Variants in CEP162 observed in about 807,000 individuals in gnomAD.
CEP162 encodes the protein centrosomal protein of 162 kDa.
CEP162 carries 141 observed loss-of-function variants against 169.2 expected under a neutral mutation model. That is an observed-to-expected ratio of 0.83 (90% CI 0.73 to 0.96). The LOEUF (loss-of-function observed/expected upper bound fraction) is 0.96. Among genes scored for constraint, CEP162 ranks in the 40% least tolerant of loss-of-function variants. CEP162 has a pLI of 0.00. For missense variants in CEP162, 1,600 were observed against 1,587.2 expected (o/e 1.01, Z -0.14); for synonymous variants, 540 against 526.4 (o/e 1.03, Z -0.35).
intron 6 of CEP162, among the ~76,000 whole-genome samples, chr6:84,206,648 A>C (rs935994714): frequency 6.6e-6 from 1 of 152,250 alleles, no homozygotes; most frequent in African/African-American, 2.4e-5. Context: ...ACCATTCAGG[A>C]CATAGGCATG....
At chr6:84,174,012 A>G in intron 16 of CEP162, 36 bp downstream of exon 16, 1 of 1,574,910 alleles carries the variant, frequency 6.3e-7, no homozygotes, top group South Asian at 1.1e-5. Context: ...TAAAAGATCA[A>G]GAGTAAATTT....
intron 25 of CEP162, among the ~76,000 whole-genome samples, chr6:84,137,429 A>G (rs1217485123): frequency 1.3e-5 from 2 of 152,200 alleles, no homozygotes; most frequent in African/African-American, 4.8e-5. Flanking sequence ...GCGACAAATT[A>G]CAGTAAGAAT....
At chr6:84,182,680 G>A (rs1200283206) in intron 13 of CEP162, among the ~76,000 whole-genome samples, 1 of 152,062 alleles carries the variant, frequency 6.6e-6, no homozygotes, top group Non-Finnish European at 1.5e-5. Flanking sequence ...AGGGTCCGGA[G>A]GCAGAGTAGC....
At chr6:84,205,072 G>T (rs1396957029) in intron 6 of CEP162, among the ~76,000 whole-genome samples, 1 of 152,128 alleles carries the variant, frequency 6.6e-6, no homozygotes, top group Non-Finnish European at 1.5e-5. Context: ...TGAAATTGAG[G>T]CAATAATTAA....
chr6:84,160,964 G>T, intron 20 of CEP162, 48 bp from the exon 21 acceptor site: 1 of 1,281,148 alleles, frequency 7.8e-7, no homozygotes, highest in South Asian at 1.2e-5. Flanking sequence ...AAACATAACA[G>T]AAAAGCTCCA....
intron 13 of CEP162, among the ~76,000 whole-genome samples, chr6:84,179,558 G>T (rs1329282525): frequency 6.6e-6 from 1 of 152,024 alleles, no homozygotes; most frequent in Non-Finnish European, 1.5e-5. Flanking sequence ...GTAGATTCTG[G>T]ATATTAGCCC....
chr6:84,128,064 G>C (rs954358256), intron 25 of CEP162, among the ~76,000 whole-genome samples: 1 of 152,200 alleles, frequency 6.6e-6, no homozygotes, highest in Non-Finnish European at 1.5e-5. Context: ...TAAGAGCAAA[G>C]ATTTTTGTCT....
intron 13 of CEP162, 118 bp downstream of exon 13, chr6:84,185,069 G>T (rs2099536515): frequency 1.2e-6 from 1 of 863,534 alleles, no homozygotes; most frequent in Non-Finnish European, 1.8e-6. Flanking sequence ...CACCACCCTG[G>T]GTCAAGCCCT....
chr6:84,223,224 G>C (rs1278061242), intron 2 of CEP162, among the ~76,000 whole-genome samples: 1 of 152,152 alleles, frequency 6.6e-6, no homozygotes, highest in African/African-American at 2.4e-5. Flanking sequence ...AAACAGGCCG[G>C]GCGTGGTGGC....
chr6:84,199,464 G>A lies in CEP162; in HGVS notation c.835+1325C>T, dbSNP rs561112013. ...TTTTATCTGGTTGCTGATTACATGG[G>A]TGTGCTCAGTATTTCAAAATTCATT... On this transcript the variant is annotated intron_variant, in intron 9 of 26. Coordinates refer to ENST00000403245, the MANE Select transcript of CEP162 (RefSeq NM_014895.4). Among the ~76,000 whole-genome samples the A allele has an allele frequency of 4.6e-5, 7 of 151,602 alleles. No individual in the cohort carries two copies. In the South Asian group the frequency reaches 1.5e-3, roughly 32 times the overall value.
chr6:84,148,113 A>G (rs144769287), intron 24 of CEP162, among the ~76,000 whole-genome samples: 4 of 152,226 alleles, frequency 2.6e-5, no homozygotes, highest in African/African-American at 7.2e-5. Context: ...CCCTATTCCT[A>G]TGGAGGATAA....
In CEP162 at chr6:84,212,917, T is replaced by A. The variant is rs576499498; in HGVS notation, c.571+40A>T. On this transcript the variant is annotated intron_variant, in intron 6 of 26. Transcript: ENST00000403245. ...AATGTCTTTATTAAAAGCTATATTA[T>A]CTTTTCAAATATTATAAATTTAAGA... 3.4e-6 allele frequency: 4 copies of A among 1,178,004 alleles called. No individual in the cohort carries two copies. In the South Asian group the frequency reaches 4.3e-5, roughly 13 times the overall value. The allele number at this position is 1,178,004 out of a possible 1,614,324, so 73.0% of individuals were successfully genotyped here. A position where few individuals can be genotyped will look rare whatever the true frequency, so the allele number is the denominator to read the frequency against.
rs745580184 is a variant in CEP162, at chr6:84,163,129, A to C, written c.2512+15T>G. On this transcript the variant is annotated intron_variant, in intron 19 of 26. Coordinates refer to ENST00000403245, the MANE Select transcript of CEP162 (RefSeq NM_014895.4). Reference sequence around the variant, plus strand: ...TATGATTATAAAGGTACACTGTTTCAGCTCAGTGTTTTACCTGTGACATAA... The same window carrying C: ...TATGATTATAAAGGTACACTGTTTCCGCTCAGTGTTTTACCTGTGACATAA... The C allele has an allele frequency of 1.9e-6, 3 of 1,611,014 alleles. No individual in the cohort carries two copies. The highest frequency in any genetic ancestry group is 2.5e-6 in the Non-Finnish European group (3 of 1,177,878).
At chr6:84,224,690 A>T (rs1185679963) in intron 2 of CEP162, among the ~76,000 whole-genome samples, 5 of 148,468 alleles carry the variant, frequency 3.4e-5, no homozygotes, top group Non-Finnish European at 4.5e-5. Flanking sequence ...CTTTCACAGT[A>T]AAAAAAAAAT....
In CEP162 at chr6:84,153,023, C is replaced by G. The variant is rs929031030; in HGVS notation, c.3151G>C (p.Val1051Leu). 6.2e-7 allele frequency: 1 copy of G among 1,613,328 alleles called. No individual in the cohort carries two copies. Among genetic ancestry groups the G allele is most frequent in the Admixed American group, 1.7e-5 (1 of 59,846 alleles). Residue 1051 changes from valine to leucine, a missense_variant, in exon 23 of 27, where the codon GTT (valine) becomes CTT (leucine). Transcript: ENST00000403245. ...TVRNLEAEIDVLKHQNAELDV... is the reference protein window; with the variant it reads ...TVRNLEAEIDLLKHQNAELDV... ...AATTCAGCATTCTGATGTTTAAGAA[C>G]GTCTATTTCGGCTTCAAGGTTTCTT... is the stretch of plus-strand genomic sequence containing the variant.
Position 84,219,625 on chromosome 6 carries a change from T to C in CEP162, c.172+1432A>G, listed in dbSNP as rs188377385. On this transcript the variant is annotated intron_variant, in intron 3 of 26. Transcript: ENST00000403245. Reference sequence around the variant, plus strand: ...TAATTCTTCACTACAAAGTTCAGCATGTTGCATAAGAATTTATAAAAAATG... The same window carrying C: ...TAATTCTTCACTACAAAGTTCAGCACGTTGCATAAGAATTTATAAAAAATG... 4.6e-4 allele frequency among the ~76,000 whole-genome samples: 70 copies of C among 152,332 alleles called. 1 individual carries two copies. The highest frequency in any genetic ancestry group is 5.9e-4 in the Admixed American group (9 of 15,300).
intron 24 of CEP162, among the ~76,000 whole-genome samples, chr6:84,148,792 A>G (rs2099520028): frequency 6.6e-6 from 1 of 152,150 alleles, no homozygotes. Context: ...ACATTCATAT[A>G]TTTTTCAACT....
chr6:84,162,177 A>G (rs764378253), intron 19 of CEP162, among the ~76,000 whole-genome samples: 1 of 152,194 alleles, frequency 6.6e-6, no homozygotes. Context: ...ATTTTCCACT[A>G]ACCTTTTTAA....
intron 11 of CEP162, among the ~76,000 whole-genome samples, chr6:84,188,883 AG>A (rs2127717301): frequency 6.6e-6 from 1 of 152,162 alleles, no homozygotes; most frequent in South Asian, 2.1e-4. Context: ...CTCTGCAACC[AG>A]CATATTTTTT....
Sources: gnomAD v4.1 joint callset for allele counts (sites outside exome capture counted in the v4.1 genomes callset) on GRCh38, gnomAD v4.1.1 for gene constraint, MANE v1.5 for transcripts, NCBI Gene and HGNC (gene_info 2026-07-23, HGNC 2026-07-21) for gene names.